BBS9: variants seen among roughly 807,000 people sequenced by gnomAD.
BBS9 encodes the protein Bardet-Biedl syndrome 9.
In BBS9, 89 loss-of-function variants were observed where a neutral mutation model predicts 117.7. That is an observed-to-expected ratio of 0.76 (90% CI 0.64 to 0.90). The LOEUF (loss-of-function observed/expected upper bound fraction) is 0.90. BBS9 is among the 40% of genes least tolerant of loss of function. BBS9 has a pLI of 0.00. For missense variants in BBS9, 982 were observed against 1,042.2 expected (o/e 0.94, Z 0.80); for synonymous variants, 379 against 370.9 (o/e 1.02, Z -0.25).
chr7:33,134,215 A>ATTT (rs59609414), intron 1 of BBS9, among the ~76,000 whole-genome samples: 9 of 118,056 alleles, frequency 7.6e-5, no homozygotes, highest in African/African-American at 1.3e-4. Flanking sequence ...ACGCCTGGCT[A>ATTT]TTTTTTTTTT....
chr7:33,408,658 A>G (rs551620924), intron 19 of BBS9, among the ~76,000 whole-genome samples: 6 of 152,184 alleles, frequency 3.9e-5, no homozygotes, highest in Non-Finnish European at 8.8e-5. Context: ...ATTGTGAATA[A>G]TGTGGTGATG....
chr7:33,353,376 C>T (rs73101663), intron 15 of BBS9, among the ~76,000 whole-genome samples: 14,716 of 152,178 alleles, frequency 0.097, 999 homozygotes, highest in Non-Finnish European at 0.15. Context: ...AAACATCTGA[C>T]TCCCTCTAAC....
chr7:33,411,880 G>T (rs962907120), intron 19 of BBS9, among the ~76,000 whole-genome samples: 7 of 152,070 alleles, frequency 4.6e-5, no homozygotes, highest in African/African-American at 1.7e-4. Context: ...ATGGTGTATA[G>T]CCTCAAGGAG....
Position 33,357,918 on chromosome 7 carries a change from A to T in BBS9, c.1616A>T (p.Gln539Leu). 1 of 1,612,298 alleles carries T rather than the reference A, an allele frequency of 6.2e-7. No individual in the cohort carries two copies. Among genetic ancestry groups the T allele is most frequent in the South Asian group, 1.1e-5 (1 of 91,046 alleles). ...CTAAAGTTAATTTGCCTACCAGGTC[A>T]GCCTTCAAAAACTGCAAGCCACAAA... ...LPLKLICLPG[Q>L]PSKTASHKIT... The change falls in exon 16 of 23, where the codon CAG (glutamine) becomes CTG (leucine). Residue 539 changes from glutamine to leucine, a missense_variant. Gln to Leu is a moderately radical substitution (Grantham distance 113). Transcript: ENST00000242067.
At chr7:33,249,900 C>T (rs1285780721) in intron 5 of BBS9, among the ~76,000 whole-genome samples, 3 of 152,138 alleles carry the variant, frequency 2.0e-5, no homozygotes, top group African/African-American at 4.8e-5. Context: ...TAATTTCCCT[C>T]TACTTTTACC....
intron 9 of BBS9, among the ~76,000 whole-genome samples, chr7:33,279,877 A>T (rs948401120): frequency 6.6e-6 from 1 of 152,234 alleles, no homozygotes; most frequent in African/African-American, 2.4e-5. Context: ...GCAAATAAAG[A>T]TCATCATTTA....
At chr7:33,340,127 G>T (rs900464627) in intron 10 of BBS9, among the ~76,000 whole-genome samples, 1 of 151,854 alleles carries the variant, frequency 6.6e-6, no homozygotes, top group Admixed American at 6.6e-5. Context: ...GTACTAAAAG[G>T]ATAAATAATG....
At chr7:33,603,640 G>T (rs1370248925) in intron 21 of BBS9, among the ~76,000 whole-genome samples, 2 of 152,100 alleles carry the variant, frequency 1.3e-5, no homozygotes, top group Non-Finnish European at 2.9e-5. Context: ...TGATCTACAG[G>T]CTTTGGAGAG....
At chr7:33,152,891 T>A (rs745966272) in intron 3 of BBS9, 40 bp downstream of exon 3, 1 of 1,596,798 alleles carries the variant, frequency 6.3e-7, no homozygotes, top group Non-Finnish European at 8.6e-7. Context: ...ACTTGGAGTA[T>A]GTCAATCCTT....
intron 20 of BBS9, among the ~76,000 whole-genome samples, chr7:33,531,241 G>A (rs947979637): frequency 6.6e-6 from 1 of 152,130 alleles, no homozygotes; most frequent in African/African-American, 2.4e-5. Context: ...GCTAAACTCT[G>A]TCTCAATAGA....
At chr7:33,511,222 C>G (rs1288014685) in intron 20 of BBS9, among the ~76,000 whole-genome samples, 2 of 152,166 alleles carry the variant, frequency 1.3e-5, no homozygotes, top group Non-Finnish European at 2.9e-5. Context: ...TTTGCCCTTC[C>G]TGATCTCTGT....
intron 21 of BBS9, among the ~76,000 whole-genome samples, chr7:33,627,117 G>C (rs1276472946): frequency 1.3e-5 from 2 of 152,220 alleles, no homozygotes; most frequent in Non-Finnish European, 2.9e-5. Flanking sequence ...GTGGGCTGGG[G>C]CCAGTTTTCC....
Position 33,146,138 on chromosome 7 carries a change from A to G in BBS9, c.-11-104A>G, listed in dbSNP as rs574897174. The G allele has an allele frequency of 1.0e-5, 8 of 767,264 alleles. No homozygotes were observed. The East Asian group carries it at 2.2e-4, about 21-fold the overall frequency. The allele number at this position is 767,264 out of a possible 1,614,324, so 47.5% of individuals were successfully genotyped here. ...GTACAAAATATTAAAAAGTTAATAT[A>G]GAAATGTCCTTCTCAGATCTGTCCA... On this transcript the variant is annotated intron_variant, in intron 1 of 22. Transcript: ENST00000242067.
intron 2 of BBS9, among the ~76,000 whole-genome samples, chr7:33,147,323 A>G (rs1792577018): frequency 6.6e-6 from 1 of 152,072 alleles, no homozygotes; most frequent in East Asian, 1.9e-4. Context: ...TCTTTTGTTT[A>G]CTGCATATAA....
intron 19 of BBS9, among the ~76,000 whole-genome samples, chr7:33,446,175 C>G (rs891450283): frequency 6.6e-5 from 10 of 152,056 alleles, no homozygotes; most frequent in Non-Finnish European, 1.5e-4. Context: ...CAACAAAACT[C>G]TTTCATCATG....
At chr7:33,568,957 A>G (rs1306133245) in intron 21 of BBS9, among the ~76,000 whole-genome samples, 3 of 152,282 alleles carry the variant, frequency 2.0e-5, no homozygotes, top group African/African-American at 4.8e-5. Flanking sequence ...GGAGGGTGCA[A>G]TTCTTTTCTG....
intron 9 of BBS9, among the ~76,000 whole-genome samples, chr7:33,309,724 T>C (rs1456532669): frequency 6.6e-6 from 1 of 152,138 alleles, no homozygotes; most frequent in South Asian, 2.1e-4. Context: ...CTCATACTCA[T>C]GTAAGTTAAT....
rs1055767911 is a variant in BBS9, at chr7:33,415,861, G to A, written c.2115+27717G>A. Among the ~76,000 whole-genome samples, 4 of 152,040 alleles carry A rather than the reference G, an allele frequency of 2.6e-5. No individual in the cohort carries two copies. The South Asian group carries it at 8.3e-4, about 32-fold the overall frequency. The stretch of plus-strand genomic sequence containing the variant: ...AAGAAAAAAAATTTTTTGAGATAGG[G>A]TCTCATTCTGCCACCCAGGCTGGAG... On this transcript the variant is annotated intron_variant, in intron 19 of 22. Coordinates refer to ENST00000242067, the MANE Select transcript of BBS9 (RefSeq NM_198428.3).
At chr7:33,134,827 C>T (rs150722215) in intron 1 of BBS9, among the ~76,000 whole-genome samples, 269 of 152,230 alleles carry the variant, frequency 1.8e-3, no homozygotes, top group African/African-American at 6.2e-3. Flanking sequence ...ATCTCTCAGG[C>T]TTAAGCAGTT....
Sources: allele counts gnomAD v4.1 joint callset (sites outside exome capture counted in the v4.1 genomes callset), GRCh38; gene constraint gnomAD v4.1.1; transcripts MANE v1.5; gene names NCBI Gene and HGNC (gene_info 2026-07-23, HGNC 2026-07-21).